The following TANK variants were observed in gnomAD, a reference collection of about 807,000 sequenced individuals.
The protein encoded by TANK is TRAF family member associated NFKB activator, also known as TRAF family member-associated NF-kappa-B activator.
Under a neutral mutation model 43.6 loss-of-function variants are expected in TANK, and 15 were observed. That is an observed-to-expected ratio of 0.34 (90% CI 0.23 to 0.53). TANK has a LOEUF of 0.53. TANK is among the 20% of genes least tolerant of loss of function. The probability of loss-of-function intolerance (pLI) is 0.94; values close to 1 mark genes in which losing one functional copy is unlikely to be tolerated. For missense variants in TANK, 417 were observed against 498.6 expected (o/e 0.84, Z 1.56); for synonymous variants, 162 against 178.2 (o/e 0.91, Z 0.73).
chr2:161,141,578 C>T (rs145652242), intron 1 of TANK, among the ~76,000 whole-genome samples: 2,108 of 152,224 alleles, frequency 0.014, 58 homozygotes, highest in African/African-American at 0.048. Flanking sequence ...TTAGAACATG[C>T]GATGTTTGGT....
chr2:161,231,247 A>C lies in TANK; in HGVS notation c.797A>C (p.Gln266Pro). ...CCTGCCACGTCTGAGGCAGTGTGCC[A>C]AGAGAAATTTAATATGGAGTTCAGA... ...LSPATSEAVCQEKFNMEFRDN... is the reference protein window; with the variant it reads ...LSPATSEAVCPEKFNMEFRDN... The change falls in exon 7 of 8, where the codon CAA (glutamine) becomes CCA (proline). Residue 266 changes from glutamine (Q) to proline (P), a missense_variant. Transcript: ENST00000392749. The C allele has an allele frequency of 6.2e-7, 1 of 1,614,062 alleles. No homozygotes were observed. The highest frequency in any genetic ancestry group is 8.5e-7 in the Non-Finnish European group (1 of 1,180,036).
chr2:161,208,058 T>C (rs1686725106), intron 4 of TANK: 1 of 801,682 alleles, frequency 1.2e-6, no homozygotes, highest in Non-Finnish European at 1.5e-6. Context: ...CCACAGTGCT[T>C]TCCTCCTTCT....
chr2:161,185,161 C>G (rs1476077543), intron 2 of TANK, among the ~76,000 whole-genome samples: 5 of 151,934 alleles, frequency 3.3e-5, no homozygotes, highest in African/African-American at 4.8e-5. Flanking sequence ...ATAAAAACTA[C>G]TCTACAAGGT....
At chr2:161,205,541 T>G (rs1478707852) in intron 4 of TANK, among the ~76,000 whole-genome samples, 2 of 152,174 alleles carry the variant, frequency 1.3e-5, no homozygotes, top group East Asian at 3.9e-4. Flanking sequence ...AAGACTCTAT[T>G]GAAGTAATAC....
intron 1 of TANK, among the ~76,000 whole-genome samples, chr2:161,152,081 C>T (rs10202657): frequency 0.11 from 16,965 of 152,084 alleles, 1,699 homozygotes; most frequent in African/African-American, 0.26. Flanking sequence ...TCACCCCTTA[C>T]GTGTTGTTGT....
intron 6 of TANK, among the ~76,000 whole-genome samples, chr2:161,229,210 A>G (rs756628970): frequency 7.9e-5 from 12 of 152,242 alleles, no homozygotes; most frequent in Non-Finnish European, 1.5e-4. Flanking sequence ...TGCAAAGACA[A>G]GAGAGTGTAG....
intron 2 of TANK, among the ~76,000 whole-genome samples, chr2:161,189,025 A>C (rs758362211): frequency 6.6e-6 from 1 of 152,216 alleles, no homozygotes; most frequent in East Asian, 1.9e-4. Flanking sequence ...ATTTCCCAGC[A>C]TCCAGAACTG....
intron 2 of TANK, among the ~76,000 whole-genome samples, chr2:161,198,131 T>C (rs570359079): frequency 1.3e-5 from 2 of 152,186 alleles, no homozygotes; most frequent in Non-Finnish European, 2.9e-5. Context: ...TATACAGTTA[T>C]ATGCTTCCAA....
At position 161,224,644 on chromosome 2, in the gene TANK, A is replaced by C; in HGVS notation, c.418A>C (p.Lys140Gln). Residue 140 changes from lysine (K) to glutamine (Q), a missense_variant, in exon 6 of 8, where the codon AAG becomes CAG. Lys to Gln is a moderately conservative substitution (Grantham distance 53). Transcript: ENST00000392749. ...PLLHERGNIE[K>Q]TFWDLKEEFH... ...TTTTTTTTTTAGGGGTAATATAGAG[A>C]AGACTTTCTGGGATCTGAAAGAAGA... 6.4e-7 allele frequency: 1 copy of C among 1,567,360 alleles called. No homozygotes were observed. The highest frequency in any genetic ancestry group is 8.7e-7 in the Non-Finnish European group (1 of 1,153,734).
At chr2:161,164,757 T>A (rs1030544865) in intron 1 of TANK, among the ~76,000 whole-genome samples, 1 of 152,206 alleles carries the variant, frequency 6.6e-6, no homozygotes, top group Non-Finnish European at 1.5e-5. Flanking sequence ...ACATAAAATT[T>A]ACCATCTTAA....
intron 4 of TANK, chr2:161,211,945 G>T (rs1686907669): frequency 6.2e-6 from 6 of 973,042 alleles, no homozygotes; most frequent in Non-Finnish European, 7.3e-6. Flanking sequence ...TACTCCTCTG[G>T]AGACTAGCCT....
At chr2:161,156,263 T>G (rs1032562304), upstream of TANK, 3 of 985,344 alleles carry the variant, frequency 3.0e-6, no homozygotes, top group African/African-American at 5.2e-5. Context: ...ATTGATTTAT[T>G]ATTCTGCAAT....
At chr2:161,202,640 T>C (rs1220093832) in intron 2 of TANK, among the ~76,000 whole-genome samples, 1 of 152,204 alleles carries the variant, frequency 6.6e-6, no homozygotes, top group East Asian at 1.9e-4. Context: ...TTCATTTTCA[T>C]TTTATATTTC....
intron 7 of TANK, 117 bp from the exon 8 acceptor site, chr2:161,235,225 A>G (rs1041488227): frequency 4.9e-5 from 43 of 871,738 alleles, no homozygotes; most frequent in Non-Finnish European, 5.6e-5. Context: ...ATTTGCTTTT[A>G]TATTAGGGAA....
intron 4 of TANK, among the ~76,000 whole-genome samples, chr2:161,221,614 C>CCATT (rs1431123378): frequency 2.0e-5 from 3 of 151,484 alleles, no homozygotes; most frequent in African/African-American, 7.3e-5. Flanking sequence ...ATGTTATGCC[C>CCATT]CATTCTAAAT....
chr2:161,142,102 T>A (rs1033549878), intron 1 of TANK, among the ~76,000 whole-genome samples: 1 of 152,234 alleles, frequency 6.6e-6, no homozygotes, highest in Non-Finnish European at 1.5e-5. Context: ...TTTTTCCATA[T>A]GTTTGTTGGC....
chr2:161,174,453 C>T (rs1450212705), intron 1 of TANK, among the ~76,000 whole-genome samples: 1 of 152,010 alleles, frequency 6.6e-6, no homozygotes, highest in Non-Finnish European at 1.5e-5. Context: ...AATGAAATGC[C>T]CTAGCAACTG....
At chr2:161,233,026 A>G in intron 7 of TANK, 2 of 626,060 alleles carry the variant, frequency 3.2e-6, no homozygotes, top group East Asian at 3.1e-5. Flanking sequence ...AAGCTATTTT[A>G]TTAGTATTAA....
At chr2:161,229,355 C>T (rs533711730) in intron 6 of TANK, among the ~76,000 whole-genome samples, 2 of 151,904 alleles carry the variant, frequency 1.3e-5, no homozygotes, top group South Asian at 4.2e-4. Flanking sequence ...GTAGAGCCAT[C>T]AAAAGATTTT....
Sources: allele counts gnomAD v4.1 joint callset (sites outside exome capture counted in the v4.1 genomes callset), GRCh38; gene constraint gnomAD v4.1.1; transcripts MANE v1.5; gene names NCBI Gene and HGNC (gene_info 2026-07-23, HGNC 2026-07-21).